MAN1A1: variants seen among roughly 807,000 people sequenced by gnomAD.
The protein encoded by MAN1A1 is mannosidase alpha class 1A member 1.
MAN1A1 carries 29 observed loss-of-function variants against 70.8 expected under a neutral mutation model. The ratio of observed to expected loss-of-function variants is 0.41; its 90% CI spans 0.31 to 0.56. The LOEUF is 0.56. MAN1A1 is among the 20% of genes least tolerant of loss of function. The probability of loss-of-function intolerance (pLI) is 0.29; values close to 1 mark genes in which losing one functional copy is unlikely to be tolerated. For synonymous variants in MAN1A1, 349 were observed against 330.1 expected (o/e 1.06, Z -0.62); for missense variants, 747 against 841.3 (o/e 0.89, Z 1.39).
chr6:119,241,274 C>T (rs1774996979), intron 6 of MAN1A1, among the ~76,000 whole-genome samples: 1 of 152,146 alleles, frequency 6.6e-6, no homozygotes, highest in African/African-American at 2.4e-5. Flanking sequence ...CTTTGTGTAA[C>T]TATTAATGAA....
intron 6 of MAN1A1, among the ~76,000 whole-genome samples, chr6:119,227,875 CTG>C (rs1459484227): frequency 1.3e-5 from 2 of 152,006 alleles, no homozygotes; most frequent in African/African-American, 4.8e-5. Context: ...AAAAAAGAAA[CTG>C]TTTTATAAAG....
At chr6:119,348,044 G>A (rs1773781786) in intron 2 of MAN1A1, among the ~76,000 whole-genome samples, 1 of 152,248 alleles carries the variant, frequency 6.6e-6, no homozygotes, top group East Asian at 1.9e-4. Context: ...CCCGGGGTAT[G>A]CTGGCTAGCT....
chr6:119,276,490 T>C (rs566259273), intron 5 of MAN1A1, among the ~76,000 whole-genome samples: 81 of 152,332 alleles, frequency 5.3e-4, no homozygotes, highest in African/African-American at 1.9e-3. Context: ...CCTGACCAGA[T>C]GATAGAGAGA....
At chr6:119,282,226 T>C (rs952246844) in intron 5 of MAN1A1, among the ~76,000 whole-genome samples, 4 of 152,174 alleles carry the variant, frequency 2.6e-5, no homozygotes, top group Admixed American at 1.3e-4. Context: ...GGATTACTAG[T>C]GAAATGTAGA....
intron 6 of MAN1A1, among the ~76,000 whole-genome samples, chr6:119,227,553 T>C (rs572907968): frequency 1.3e-5 from 2 of 152,324 alleles, no homozygotes; most frequent in South Asian, 4.1e-4. Flanking sequence ...TAATGGCTCA[T>C]TGCAGCCTTG....
Position 119,306,915 on chromosome 6 carries a change from G to A in MAN1A1, c.681C>T (p.Gly227=), listed in dbSNP as rs1731219411. 1.9e-6 allele frequency: 3 copies of A among 1,590,250 alleles called. No individual in the cohort carries two copies. Among genetic ancestry groups the A allele is most frequent in the African/African-American group, 2.7e-5 (2 of 74,244 alleles). The change falls in exon 3 of 13, where the codon GGC becomes GGT. Residue 227 remains glycine (G), a synonymous_variant. Coordinates refer to ENST00000368468, the MANE Select transcript of MAN1A1 (RefSeq NM_005907.4). ...LNELKPISKG[G]HSSSLFGNIK... ...ACTCACCAAACAAACTGCTTGAATG[G>A]CCTCCTTTTGATATAGGTTTGAGTT...
chr6:119,271,440 G>C (rs1005764715), intron 5 of MAN1A1, among the ~76,000 whole-genome samples: 2 of 151,822 alleles, frequency 1.3e-5, no homozygotes, highest in African/African-American at 4.8e-5. Context: ...CACCCTATAA[G>C]AGCTACTTCT....
chr6:119,289,867 T>C (rs934977715), intron 5 of MAN1A1, among the ~76,000 whole-genome samples: 1 of 152,152 alleles, frequency 6.6e-6, no homozygotes, highest in South Asian at 2.1e-4. Context: ...AGATCTACTC[T>C]TTCCCCAGCC....
At chr6:119,206,268 CCT>C (rs138353659) in intron 6 of MAN1A1, among the ~76,000 whole-genome samples, 1 of 152,268 alleles carries the variant, frequency 6.6e-6, no homozygotes, top group East Asian at 1.9e-4. Flanking sequence ...TTCTTGCTTT[CCT>C]CTCTTTCTAA....
At chr6:119,267,670 G>T (rs1414466606) in intron 5 of MAN1A1, among the ~76,000 whole-genome samples, 1 of 152,084 alleles carries the variant, frequency 6.6e-6, no homozygotes, top group Non-Finnish European at 1.5e-5. Context: ...CCCTATGTGG[G>T]CCTTGTCCCA....
At chr6:119,313,023 C>T (rs1038551548) in intron 2 of MAN1A1, among the ~76,000 whole-genome samples, 9 of 152,098 alleles carry the variant, frequency 5.9e-5, no homozygotes, top group Non-Finnish European at 1.3e-4. Flanking sequence ...CCTCAGAGTC[C>T]TCCTAGGCTT....
At chr6:119,306,171 ACTGTATTCC>A (rs1303669883) in intron 3 of MAN1A1, among the ~76,000 whole-genome samples, 6 of 152,194 alleles carry the variant, frequency 3.9e-5, no homozygotes, top group Admixed American at 3.9e-4. Context: ...CCAGAGTAAC[ACTGTATTCC>A]CTTCATCCTG....
chr6:119,220,595 A>C (rs1176760818), intron 6 of MAN1A1, among the ~76,000 whole-genome samples: 1 of 152,182 alleles, frequency 6.6e-6, no homozygotes, highest in East Asian at 1.9e-4. Flanking sequence ...TAATCACCAC[A>C]ACAACCTCGT....
intron 5 of MAN1A1, among the ~76,000 whole-genome samples, chr6:119,277,494 G>A (rs1346256185): frequency 6.6e-6 from 1 of 152,046 alleles, no homozygotes; most frequent in Non-Finnish European, 1.5e-5. Context: ...TGAATCAAAT[G>A]ATAGTTTCAT....
chr6:119,273,308 T>C (rs1035985079), intron 5 of MAN1A1, among the ~76,000 whole-genome samples: 3 of 152,114 alleles, frequency 2.0e-5, no homozygotes, highest in African/African-American at 7.2e-5. Context: ...TTTAGGAATA[T>C]TAGGTTTATA....
At chr6:119,275,595 C>T (rs1308785898) in intron 5 of MAN1A1, among the ~76,000 whole-genome samples, 3 of 147,910 alleles carry the variant, frequency 2.0e-5, no homozygotes, top group African/African-American at 7.5e-5. Context: ...CGTGAGCCAC[C>T]GCGCCCGGCC....
intron 5 of MAN1A1, among the ~76,000 whole-genome samples, chr6:119,282,644 AT>A (rs536019059): frequency 0.012 from 1,814 of 152,278 alleles, 38 homozygotes; most frequent in African/African-American, 0.042. Flanking sequence ...TTCCTTTCTT[AT>A]AAAAATTTCA....
At chr6:119,251,072 G>A (rs186497758) in intron 5 of MAN1A1, among the ~76,000 whole-genome samples, 85 of 152,136 alleles carry the variant, frequency 5.6e-4, no homozygotes, top group African/African-American at 2.0e-3. Flanking sequence ...TCTGATAGGA[G>A]CATAGGCCAT....
intron 6 of MAN1A1, among the ~76,000 whole-genome samples, chr6:119,225,109 A>G (rs956004905): frequency 2.0e-5 from 3 of 152,032 alleles, no homozygotes; most frequent in African/African-American, 7.3e-5. Context: ...GCGCCACTAC[A>G]CTCCAGCCTG....
Sources: allele counts gnomAD v4.1 joint callset (sites outside exome capture counted in the v4.1 genomes callset), GRCh38; gene constraint gnomAD v4.1.1; transcripts MANE v1.5; gene names NCBI Gene and HGNC (gene_info 2026-07-23, HGNC 2026-07-21).